Variants in CEP135 observed in about 807,000 individuals in gnomAD.
CEP135 encodes the protein centrosomal protein of 135 kDa.
In CEP135, 142 loss-of-function variants were observed where a neutral mutation model predicts 157.3. That is an observed-to-expected ratio of 0.90 (90% CI 0.79 to 1.04). The LOEUF is 1.04. Ranked by LOEUF, CEP135 falls within the 50% of genes least tolerant of loss-of-function variation. The pLI, the probability that CEP135 is intolerant of heterozygous loss-of-function variation, is 0.00. For synonymous variants in CEP135, 396 were observed against 439.8 expected (o/e 0.90, Z 1.25); for missense variants, 1,317 against 1,309.2 (o/e 1.01, Z -0.09).
At chr4:55,968,374 G>GTT (rs34188517) in intron 8 of CEP135, among the ~76,000 whole-genome samples, 72 of 130,652 alleles carry the variant, frequency 5.5e-4, no homozygotes, top group African/African-American at 1.9e-3. Context: ...TCCCAGTGGT[G>GTT]TTTTTTTTTT....
chr4:55,975,305 A>G (rs1678512166), intron 11 of CEP135, among the ~76,000 whole-genome samples: 1 of 152,166 alleles, frequency 6.6e-6, no homozygotes, highest in South Asian at 2.1e-4. Flanking sequence ...TTTCTCTCTC[A>G]TAGCAGAGTG....
rs183094611 is a variant in CEP135 at position 55,955,561 on chromosome 4, G to A, written c.472+1178G>A. On this transcript the variant is annotated intron_variant, in intron 4 of 25. Transcript: ENST00000257287. ...GCAGAAGAGATAGAGAAAAGTGGGA[G>A]TCAACCTTGAAAGTAACTAGAAGAT... is the stretch of plus-strand genomic sequence containing the variant. 5.6e-4 allele frequency among the ~76,000 whole-genome samples: 86 copies of A among 152,250 alleles called. 1 individual carries two copies. The highest frequency in any genetic ancestry group is 2.0e-3 in the African/African-American group (84 of 41,548).
At chr4:55,983,665 G>A (rs192676836) in intron 13 of CEP135, among the ~76,000 whole-genome samples, 2 of 150,438 alleles carry the variant, frequency 1.3e-5, no homozygotes, top group African/African-American at 2.5e-5. Context: ...GGGCAGTCCC[G>A]CTCACTGCAA....
Position 56,019,517 on chromosome 4 carries a change from G to C in CEP135, c.3177G>C (p.Gln1059His). 6.2e-7 allele frequency: 1 copy of C among 1,613,852 alleles called. No homozygotes were observed. Among genetic ancestry groups the C allele is most frequent in the Non-Finnish European group, 8.5e-7 (1 of 1,179,960 alleles). Reference sequence around the variant, plus strand: ...CCCACGAGAAGGATACAGAAATCCAGCTACTTAAGGAGAAGTTAACCCTTT... The same window carrying C: ...CCCACGAGAAGGATACAGAAATCCACCTACTTAAGGAGAAGTTAACCCTTT... Reference protein sequence around the residue: ...LTSHEKDTEIQLLKEKLTLSE... With the variant: ...LTSHEKDTEIHLLKEKLTLSE... Residue 1059 changes from glutamine to histidine, a missense_variant, in exon 23 of 26, where the codon CAG becomes CAC. Transcript: ENST00000257287.
chr4:56,019,508 A>G lies in CEP135; in HGVS notation c.3168A>G (p.Thr1056=), dbSNP rs756449684. The G allele has an allele frequency of 2.5e-6, 4 of 1,613,938 alleles. No individual in the cohort carries two copies. Among genetic ancestry groups the G allele is most frequent in the East Asian group, 2.2e-5 (1 of 44,870 alleles). ...HSHLTSHEKD[T]EIQLLKEKLT... ...ACTTAACCTCCCACGAGAAGGATAC[A>G]GAAATCCAGCTACTTAAGGAGAAGT... The change falls in exon 23 of 26, where the codon ACA becomes ACG. Residue 1056 remains threonine (T), a synonymous_variant. Coordinates refer to ENST00000257287, the MANE Select transcript of CEP135 (RefSeq NM_025009.5).
At chr4:56,017,884 A>G (rs1334069097) in intron 22 of CEP135, 27 bp downstream of exon 22, 2 of 1,571,860 alleles carry the variant, frequency 1.3e-6, no homozygotes, top group South Asian at 1.1e-5. Context: ...GTCTTGGCAC[A>G]TTGTTTTATT....
chr4:55,976,602 G>C (rs1218834083), intron 11 of CEP135, among the ~76,000 whole-genome samples: 1 of 152,168 alleles, frequency 6.6e-6, no homozygotes, highest in Non-Finnish European at 1.5e-5. Flanking sequence ...TTACATTCTT[G>C]AAGTTATAAT....
Position 56,020,779 on chromosome 4 carries a change from C to A in CEP135, c.3319C>A (p.Arg1107=), listed in dbSNP as rs138045779. ...KRQISTERYE[R]ERAIQEMRRH... is the part of the protein sequence containing the mutation. The stretch of plus-strand genomic sequence containing the variant: ...GCAGATCTCAACTGAAAGATACGAA[C>A]GGTAAGACAAATTTTTTTTACATTT... The change falls in exon 24 of 26, where the codon CGA becomes AGA. Residue 1107 remains arginine, a splice_region_variant and synonymous_variant. Coordinates refer to ENST00000257287, the MANE Select transcript of CEP135 (RefSeq NM_025009.5). 1 of 1,608,742 alleles carries A rather than the reference C, an allele frequency of 6.2e-7. No homozygotes were observed. The highest frequency in any genetic ancestry group is 1.1e-5 in the South Asian group (1 of 89,918).
rs765091582 is a variant in CEP135 at position 55,981,356 on chromosome 4, G to A, written c.1756G>A (p.Glu586Lys). ...CTTAAGAAGAATTATGGCAGAAAAG[G>A]AAGCTTTAAGAGAAAAATTAGAGGT... ...SDLRRIMAEK[E>K]ALREKLEHIE... The change falls in exon 13 of 26, where the codon GAA becomes AAA. Residue 586 changes from glutamate to lysine, a missense_variant. Glu to Lys is a moderately conservative substitution (Grantham distance 56). Coordinates refer to ENST00000257287, the MANE Select transcript of CEP135 (RefSeq NM_025009.5). 1.3e-6 allele frequency: 2 copies of A among 1,578,462 alleles called. No individual in the cohort carries two copies. Among genetic ancestry groups the A allele is most frequent in the Non-Finnish European group, 1.7e-6 (2 of 1,170,184 alleles).
Position 55,999,431 on chromosome 4 carries a change from A to C in CEP135, c.2125+14A>C, listed in dbSNP as rs375228505. ...AGGAAAAGATAGGTAAATGTTTTAA[A>C]ATTTTGTTTCTGCTAATCCTAATGT... On this transcript the variant is annotated intron_variant, in intron 16 of 25. Coordinates refer to ENST00000257287, the MANE Select transcript of CEP135 (RefSeq NM_025009.5). The C allele has an allele frequency of 2.5e-6, 4 of 1,613,144 alleles. No individual in the cohort carries two copies. Among genetic ancestry groups the C allele is most frequent in the Non-Finnish European group, 3.4e-6 (4 of 1,179,740 alleles).
rs202084972 is a variant in CEP135, at chr4:55,953,113, C to T, written c.142C>T (p.Arg48Trp). ...CTTAGTTCATACAACTGAGAGCCTT[C>T]GGCAATCAAAATTATCTGCTGTGAA... is the stretch of plus-strand genomic sequence containing the variant. ...SDLVHTTESL[R>W]QSKLSAVKAE... The change falls in exon 3 of 26, where the codon CGG becomes TGG. Residue 48 changes from arginine (R) to tryptophan (W), a missense_variant. By Grantham distance (101) the Arg-to-Trp change is moderately radical. Transcript: ENST00000257287. 717 of 1,593,488 alleles carry T rather than the reference C, an allele frequency of 4.5e-4. 3 individuals are homozygous for T. Among genetic ancestry groups the T allele is most frequent in the South Asian group, 1.3e-3 (115 of 86,578 alleles).
chr4:56,015,428 C>T (rs929056901), intron 21 of CEP135, among the ~76,000 whole-genome samples: 1 of 152,204 alleles, frequency 6.6e-6, no homozygotes, highest in South Asian at 2.1e-4. Context: ...CATCACAGGT[C>T]CAGATGATGG....
intron 2 of CEP135, 148 bp downstream of exon 2, chr4:55,952,391 T>C: frequency 1.7e-6 from 1 of 576,478 alleles, no homozygotes. Context: ...CTGTCCTCAA[T>C]CCAGGCCTTC....
chr4:56,011,883 T>G lies in CEP135; in HGVS notation c.2700T>G (p.Ala900=). The G allele has an allele frequency of 6.2e-7, 1 of 1,607,838 alleles. No individual in the cohort carries two copies. The highest frequency in any genetic ancestry group is 8.5e-7 in the Non-Finnish European group (1 of 1,176,942). The change falls in exon 21 of 26, where the codon GCT becomes GCG. Residue 900 remains alanine (A), a synonymous_variant. Coordinates refer to ENST00000257287, the MANE Select transcript of CEP135 (RefSeq NM_025009.5). ...ACTGGGAGGTCAAAGCCCATCAAGC[T>G]GAGGGAGAAAGCAGCTCAGTTCGAC... ...AEDWEVKAHQ[A]EGESSSVRLE...
chr4:56,011,480 C>A lies in CEP135; in HGVS notation c.2574C>A (p.Tyr858Ter). ...KEEMKSRVHK[Y>*]ITEVSRWESL... ...AAATGAAGAGCAGAGTTCATAAATA[C>A]ATAACAGAGGTGTCACGATGGGAGA... The change falls in exon 20 of 26, where the codon TAC becomes TAA. Residue 858 changes from tyrosine to a stop codon, truncating the protein, a stop_gained. Transcript: ENST00000257287. LOFTEE classifies it high-confidence loss of function. 1 of 1,610,954 alleles carries A rather than the reference C, an allele frequency of 6.2e-7. No individual in the cohort carries two copies. The highest frequency in any genetic ancestry group is 8.5e-7 in the Non-Finnish European group (1 of 1,179,210).
chr4:55,964,359 G>A lies in CEP135; in HGVS notation c.785G>A (p.Arg262Lys). The A allele has an allele frequency of 8.1e-6, 13 of 1,612,042 alleles. No homozygotes were observed. Among genetic ancestry groups the A allele is most frequent in the Non-Finnish European group, 1.1e-5 (13 of 1,178,658 alleles). ...RSPDVLSLES[R>K]NKTNEKLIAH... Reference sequence around the variant, plus strand: ...CCTGATGTCCTTTCTCTGGAGTCTAGAAATAAAACCAATGAAAAGCTTATT... The same window carrying A: ...CCTGATGTCCTTTCTCTGGAGTCTAAAAATAAAACCAATGAAAAGCTTATT... The change falls in exon 7 of 26, where the codon AGA (arginine) becomes AAA (lysine). Residue 262 changes from arginine (R) to lysine (K), a missense_variant. Transcript: ENST00000257287.
At position 56,009,762 on chromosome 4, in the gene CEP135, A is replaced by G; in HGVS notation, c.2364A>G (p.Arg788=). ...AGCTGAAAGAAACATTGGTTAATCG[A>G]GATCGTGAGATAAACAGCCTCCGGC... ...VNQLKETLVN[R]DREINSLRRQ... is the part of the protein sequence containing the mutation. The change falls in exon 19 of 26, where the codon CGA becomes CGG. Residue 788 remains arginine, a synonymous_variant. Transcript: ENST00000257287. 1 of 1,610,778 alleles carries G rather than the reference A, an allele frequency of 6.2e-7. No individual in the cohort carries two copies. The highest frequency in any genetic ancestry group is 8.5e-7 in the Non-Finnish European group (1 of 1,179,354).
Position 55,968,671 on chromosome 4 carries a change from A to G in CEP135, c.1045-392A>G, listed in dbSNP as rs142897517. 2.6e-3 allele frequency among the ~76,000 whole-genome samples: 397 copies of G among 152,260 alleles called. 5 individuals are homozygous for G. The highest frequency in any genetic ancestry group is 0.014 in the Middle Eastern group (4 of 294). ...CAAAATGTTCCTATTGGGTCATAAT[A>G]TTTTGATCTTGGCATTCTGTTCTCT... On this transcript the variant is annotated intron_variant, in intron 8 of 25. Coordinates refer to ENST00000257287, the MANE Select transcript of CEP135 (RefSeq NM_025009.5).
chr4:56,009,689 G>C, intron 18 of CEP135, 46 bp from the exon 19 acceptor site: 1 of 1,544,096 alleles, frequency 6.5e-7, no homozygotes, highest in South Asian at 1.2e-5. Flanking sequence ...ATGAACTACA[G>C]TTTTTAAAAG....
Sources: allele counts gnomAD v4.1 joint callset (sites outside exome capture counted in the v4.1 genomes callset), GRCh38; gene constraint gnomAD v4.1.1; transcripts MANE v1.5; gene names NCBI Gene and HGNC (gene_info 2026-07-23, HGNC 2026-07-21).